The following PEAK1 variants were observed in gnomAD, a reference collection of about 807,000 sequenced individuals.
PEAK1 encodes the protein pseudopodium enriched atypical kinase 1, also known as inactive tyrosine-protein kinase PEAK1.
PEAK1 carries 54 observed loss-of-function variants against 124.7 expected under a neutral mutation model. The observed-to-expected ratio is 0.43, with a 90% CI of 0.35 to 0.54. The LOEUF is 0.54. PEAK1 is among the 20% of genes least tolerant of loss of function. The pLI is 0.01. For synonymous variants in PEAK1, 719 were observed against 760.0 expected (o/e 0.95, Z 0.89); for missense variants, 2,046 against 2,134.5 (o/e 0.96, Z 0.82).
At chr15:77,247,885 C>T (rs1409066205) in intron 6 of PEAK1, among the ~76,000 whole-genome samples, 8 of 152,106 alleles carry the variant, frequency 5.3e-5, no homozygotes, top group African/African-American at 1.9e-4. Flanking sequence ...CCAATATTTT[C>T]TTGAAGATTT....
chr15:77,347,468 G>A (rs2141397195), intron 2 of PEAK1: 1 of 985,340 alleles, frequency 1.0e-6, no homozygotes, highest in African/African-American at 1.7e-5. Flanking sequence ...TCAACATCTA[G>A]GGCTGGCACA....
chr15:77,293,793 T>C (rs1212802421), intron 2 of PEAK1, among the ~76,000 whole-genome samples: 3 of 152,190 alleles, frequency 2.0e-5, no homozygotes, highest in East Asian at 1.9e-4. Flanking sequence ...GTAAAAAATA[T>C]AGAGACAGAA....
intron 6 of PEAK1, among the ~76,000 whole-genome samples, chr15:77,195,993 C>G (rs1452219793): frequency 6.6e-6 from 1 of 152,226 alleles, no homozygotes; most frequent in Non-Finnish European, 1.5e-5. Context: ...TCATGCTAAG[C>G]AGCTGGTGAG....
chr15:77,401,264 A>T (rs1193075712), intron 1 of PEAK1, among the ~76,000 whole-genome samples: 5 of 152,162 alleles, frequency 3.3e-5, no homozygotes, highest in Non-Finnish European at 7.4e-5. Flanking sequence ...ACTGCAAACT[A>T]CTACCTCCAA....
intron 2 of PEAK1, among the ~76,000 whole-genome samples, chr15:77,304,399 G>A (rs2063957326): frequency 6.7e-6 from 1 of 149,752 alleles, no homozygotes; most frequent in Admixed American, 6.6e-5. Context: ...TTTTTTATCA[G>A]TGCCTTACAG....
At chr15:77,354,066 A>C (rs942857866) in intron 2 of PEAK1, among the ~76,000 whole-genome samples, 8 of 152,192 alleles carry the variant, frequency 5.3e-5, no homozygotes, top group African/African-American at 1.4e-4. Flanking sequence ...TCTAAAATCT[A>C]TTAACCTCAA....
chr15:77,346,812 A>C (rs1235464370), intron 2 of PEAK1: 1 of 866,614 alleles, frequency 1.2e-6, no homozygotes. Context: ...TATGGCAGAC[A>C]CTACTGTAGG....
chr15:77,397,298 T>C (rs2070969398), intron 1 of PEAK1, among the ~76,000 whole-genome samples: 1 of 151,980 alleles, frequency 6.6e-6, no homozygotes, highest in Non-Finnish European at 1.5e-5. Flanking sequence ...ATCTATAGGA[T>C]ATAGTGAAAG....
intron 2 of PEAK1, among the ~76,000 whole-genome samples, chr15:77,361,131 T>C (rs567070622): frequency 1.3e-5 from 2 of 152,160 alleles, no homozygotes; most frequent in African/African-American, 4.8e-5. Context: ...CCACAGGAGA[T>C]TAATATCCAG....
At chr15:77,392,250 A>C (rs1019094492) in intron 1 of PEAK1, among the ~76,000 whole-genome samples, 3 of 152,228 alleles carry the variant, frequency 2.0e-5, no homozygotes, top group Non-Finnish European at 4.4e-5. Context: ...GATACACACT[A>C]AACAATATTC....
At chr15:77,205,289 AAG>A (rs1232929848) in intron 6 of PEAK1, among the ~76,000 whole-genome samples, 1 of 151,626 alleles carries the variant, frequency 6.6e-6, no homozygotes, top group Non-Finnish European at 1.5e-5. Context: ...AAAAAAAAAA[AAG>A]AAGTTAAATA....
intron 6 of PEAK1, among the ~76,000 whole-genome samples, chr15:77,213,628 G>A (rs912626086): frequency 5.9e-5 from 9 of 152,092 alleles, no homozygotes; most frequent in African/African-American, 1.9e-4. Flanking sequence ...GGCAGAGGGT[G>A]CAGTGAGCCG....
rs897731951 is a variant in PEAK1 at position 77,388,804 on chromosome 15, T to C, written c.-665-23579A>G. On this transcript the variant is annotated intron_variant, in intron 1 of 9. Coordinates refer to ENST00000682557, the MANE Select transcript of PEAK1 (RefSeq NM_001385026.1). ...GGGTCTCCAAGTTAAAACTTCACAC[T>C]ACAAAAAAAAAAAAATACTCCATCA... Among the ~76,000 whole-genome samples, 7 of 86,632 alleles carry C rather than the reference T, an allele frequency of 8.1e-5. No homozygotes were observed. In the Admixed American group the frequency reaches 8.2e-4, roughly 10 times the overall value. 56.8% of individuals were successfully genotyped at this position (86,632 alleles called of 152,430 possible).
chr15:77,205,047 G>A lies in PEAK1; in HGVS notation c.-114-23007C>T, dbSNP rs186461225. On this transcript the variant is annotated intron_variant, in intron 6 of 9. Coordinates refer to ENST00000682557, the MANE Select transcript of PEAK1 (RefSeq NM_001385026.1). ...TGCAGAAAATGGAAAGACTAAAAAC[G>A]AGGCATGTCCAGCCTTTGATGAAGC... 1.1e-4 allele frequency: 20 copies of A among 183,802 alleles called. 1 individual carries two copies. In the East Asian group the frequency reaches 2.7e-3, roughly 24 times the overall value. 11.4% of individuals were successfully genotyped at this position (183,802 alleles called of 1,614,324 possible). A position where few individuals can be genotyped will look rare whatever the true frequency, so the allele number is the denominator to read the frequency against.
intron 6 of PEAK1, among the ~76,000 whole-genome samples, chr15:77,238,265 T>C (rs2060208713): frequency 2.0e-5 from 3 of 152,174 alleles, no homozygotes; most frequent in Admixed American, 2.0e-4. Flanking sequence ...TCCCACTATC[T>C]TTTTGCATCC....
chr15:77,208,638 C>G (rs1433791997), intron 6 of PEAK1, among the ~76,000 whole-genome samples: 1 of 152,064 alleles, frequency 6.6e-6, no homozygotes, highest in African/African-American at 2.4e-5. Context: ...GGAAAAAACA[C>G]CATTCTTTCT....
At chr15:77,232,729 T>C (rs959959340) in intron 6 of PEAK1, among the ~76,000 whole-genome samples, 7 of 152,210 alleles carry the variant, frequency 4.6e-5, no homozygotes, top group African/African-American at 7.2e-5. Flanking sequence ...AGGAATGTTC[T>C]TGAAATACCT....
intron 7 of PEAK1, among the ~76,000 whole-genome samples, chr15:77,169,835 C>T (rs2056381116): frequency 6.6e-6 from 1 of 152,054 alleles, no homozygotes; most frequent in African/African-American, 2.4e-5. Flanking sequence ...AATTTTCTGG[C>T]TTGAGCAACT....
rs532338132 is a variant in PEAK1 at position 77,226,544 on chromosome 15, A to T, written c.-115+25823T>A. Among the ~76,000 whole-genome samples, 7 of 152,218 alleles carry T rather than the reference A, an allele frequency of 4.6e-5. No individual in the cohort carries two copies. In the East Asian group the frequency reaches 1.3e-3, roughly 29 times the overall value. On this transcript the variant is annotated intron_variant, in intron 6 of 9. Transcript: ENST00000682557. ...AGTGTTGTGGAATTTGAAAACCGAG[A>T]TGCCATGTATTTTCTCTGACACTAT...
Sources: gnomAD v4.1 joint callset for allele counts (sites outside exome capture counted in the v4.1 genomes callset) on GRCh38, gnomAD v4.1.1 for gene constraint, MANE v1.5 for transcripts, NCBI Gene and HGNC (gene_info 2026-07-23, HGNC 2026-07-21) for gene names.